GLCCI1: variants seen among roughly 807,000 people sequenced by gnomAD.
GLCCI1 encodes the protein glucocorticoid induced 1.
Under a neutral mutation model 52.2 loss-of-function variants are expected in GLCCI1, and 24 were observed. The ratio of observed to expected loss-of-function variants is 0.46; its 90% CI spans 0.33 to 0.65. GLCCI1 has a LOEUF of 0.65. Among genes scored for constraint, GLCCI1 ranks in the 30% least tolerant of loss-of-function variants. The pLI, the probability that GLCCI1 is intolerant of heterozygous loss-of-function variation, is 0.02. For synonymous variants in GLCCI1, 310 were observed against 276.5 expected (o/e 1.12, Z -1.20); for missense variants, 704 against 701.5 (o/e 1.00, Z -0.04).
At chr7:8,047,788 A>G (rs1782165700) in intron 3 of GLCCI1, among the ~76,000 whole-genome samples, 2 of 152,254 alleles carry the variant, frequency 1.3e-5, no homozygotes, top group Admixed American at 1.3e-4. Flanking sequence ...ATTCAGTGAC[A>G]GAAGTTCTTC....
chr7:8,086,690 C>T lies in GLCCI1; in HGVS notation c.*152C>T, dbSNP rs964123585. The T allele has an allele frequency of 1.7e-5, 11 of 664,538 alleles. No homozygotes were observed. Among genetic ancestry groups the T allele is most frequent in the Admixed American group, 6.4e-5 (2 of 31,176 alleles). The allele number at this position is 664,538 out of a possible 1,614,324, so 41.2% of individuals were successfully genotyped here. A position where few individuals can be genotyped will look rare whatever the true frequency, so the allele number is the denominator to read the frequency against. On this transcript the variant is annotated 3_prime_UTR_variant, in exon 8 of 8. Transcript: ENST00000223145. This position sits in a 1 kb window ranked among gnomAD's most constrained non-coding sequence, Gnocchi z 4.4. ...TCTTAAACACTGATCTTGGCAGGGA[C>T]GGAACTCCTATTCAGCAGTTTTTGT...
At chr7:7,984,317 C>T (rs1218785914) in intron 1 of GLCCI1, among the ~76,000 whole-genome samples, 2 of 152,098 alleles carry the variant, frequency 1.3e-5, no homozygotes, top group African/African-American at 4.8e-5. Flanking sequence ...ACCTTGGGCT[C>T]CCAAACTGCT....
chr7:8,040,721 A>G (rs192863060), intron 3 of GLCCI1, among the ~76,000 whole-genome samples: 47 of 152,308 alleles, frequency 3.1e-4, no homozygotes, highest in Non-Finnish European at 5.9e-5. Flanking sequence ...ATACAACCCA[A>G]CAATTTCATT....
chr7:8,062,526 T>C (rs1394867409), intron 5 of GLCCI1, among the ~76,000 whole-genome samples: 1 of 152,216 alleles, frequency 6.6e-6, no homozygotes, highest in Non-Finnish European at 1.5e-5. Flanking sequence ...GTAAGTTGTA[T>C]GTCACTGGAA....
intron 2 of GLCCI1, among the ~76,000 whole-genome samples, chr7:8,004,477 G>A (rs1781108146): frequency 6.6e-6 from 1 of 152,058 alleles, no homozygotes; most frequent in Non-Finnish European, 1.5e-5. Context: ...TTAAAACCAA[G>A]ACTAAAAGCC....
chr7:7,975,856 C>G (rs1240286079), intron 1 of GLCCI1, among the ~76,000 whole-genome samples: 2 of 152,150 alleles, frequency 1.3e-5, no homozygotes, highest in African/African-American at 4.8e-5. Flanking sequence ...ATGATTGTAT[C>G]TGGGCTTTCT....
intron 2 of GLCCI1, among the ~76,000 whole-genome samples, chr7:8,012,480 T>A (rs1448109007): frequency 1.6e-5 from 2 of 125,002 alleles, no homozygotes; most frequent in African/African-American, 6.4e-5. Context: ...AGTCTTGCTC[T>A]GTCACCCAGG....
At chr7:8,044,916 C>T (rs1041062470) in intron 3 of GLCCI1, among the ~76,000 whole-genome samples, 3 of 152,102 alleles carry the variant, frequency 2.0e-5, no homozygotes, top group Non-Finnish European at 4.4e-5. Context: ...GATGTTGATG[C>T]TTACAGTAAG....
At chr7:8,052,664 G>C (rs1338401148) in intron 3 of GLCCI1, among the ~76,000 whole-genome samples, 1 of 152,210 alleles carries the variant, frequency 6.6e-6, no homozygotes, top group Non-Finnish European at 1.5e-5. Context: ...TTAGAAATAA[G>C]AATTACTTCA....
intron 1 of GLCCI1, among the ~76,000 whole-genome samples, chr7:7,998,613 C>G (rs556886366): frequency 6.6e-6 from 1 of 152,148 alleles, no homozygotes; most frequent in Non-Finnish European, 1.5e-5. Flanking sequence ...CTATAGTGTA[C>G]TTTGTCTTTC....
chr7:7,990,940 C>T (rs1488607748), intron 1 of GLCCI1, among the ~76,000 whole-genome samples: 1 of 152,028 alleles, frequency 6.6e-6, no homozygotes, highest in East Asian at 1.9e-4. Context: ...TTTGGGGACA[C>T]ATTGTGGGGG....
At chr7:8,050,043 G>C (rs1336348487) in intron 3 of GLCCI1, among the ~76,000 whole-genome samples, 1 of 152,134 alleles carries the variant, frequency 6.6e-6, no homozygotes, top group South Asian at 2.1e-4. Flanking sequence ...TTCTTCCAAA[G>C]CTAGCTGTAT....
chr7:7,973,661 T>A (rs117300282), intron 1 of GLCCI1, among the ~76,000 whole-genome samples: 5,609 of 152,202 alleles, frequency 0.037, 141 homozygotes, highest in Non-Finnish European at 0.057. Flanking sequence ...CCTAATACTC[T>A]ACCAGATTGC....
intron 1 of GLCCI1, among the ~76,000 whole-genome samples, chr7:7,988,906 A>G (rs558191965): frequency 1.1e-4 from 17 of 152,204 alleles, no homozygotes; most frequent in Non-Finnish European, 2.5e-4. Context: ...CAGTTAGATA[A>G]GGCTAAATGA....
rs1181745276 is a variant in GLCCI1 at position 8,087,452 on chromosome 7, G to C, written c.*914G>C. The C allele has an allele frequency of 6.6e-6, 1 of 152,524 alleles. No homozygotes were observed. Among genetic ancestry groups the C allele is most frequent in the Non-Finnish European group, 1.5e-5 (1 of 67,966 alleles). 9.4% of individuals were successfully genotyped at this position (152,524 alleles called of 1,614,324 possible). ...ACTGTACATAAACATTCCACATTGT[G>C]TGTGATGAAATTTAAAGACAAGAAT... is the stretch of plus-strand genomic sequence containing the variant. On this transcript the variant is annotated 3_prime_UTR_variant, in exon 8 of 8. Coordinates refer to ENST00000223145, the MANE Select transcript of GLCCI1 (RefSeq NM_138426.4).
In GLCCI1 at chr7:8,084,993, G is replaced by T. The variant is rs1280858437; in HGVS notation, c.1274G>T (p.Arg425Leu). The T allele has an allele frequency of 1.8e-5, 29 of 1,614,008 alleles. No homozygotes were observed. Among genetic ancestry groups the T allele is most frequent in the Non-Finnish European group, 2.2e-5 (26 of 1,180,004 alleles). ...FKREPPEGCE[R>L]VKVFEEMASR... ...CGGGAGCCCCCAGAGGGATGTGAGC[G>T]AGTGAAGGTCTTTGAGGAAATGGCG... Residue 425 changes from arginine (R) to leucine (L), a missense_variant, in exon 7 of 8, where the codon CGA (arginine) becomes CTA (leucine). Coordinates refer to ENST00000223145, the MANE Select transcript of GLCCI1 (RefSeq NM_138426.4).
In GLCCI1 at chr7:7,969,056, TGGC is replaced by T; in HGVS notation, c.-285_-283del. ...CCTGTCAGCACGATGCCTGGAGCGG[TGGC>T]GGCGGCGGCTCCGGGCTCCTTGCGG... On this transcript the variant is annotated 5_prime_UTR_variant, in exon 1 of 8. Coordinates refer to ENST00000223145, the MANE Select transcript of GLCCI1 (RefSeq NM_138426.4). The surrounding 1 kb of genome is among the most constrained non-coding windows in gnomAD (Gnocchi z 4.9). 5.8e-6 allele frequency: 1 copy of T among 172,546 alleles called. No homozygotes were observed. The highest frequency in any genetic ancestry group is 1.2e-5 in the Non-Finnish European group (1 of 81,658). 10.7% of individuals were successfully genotyped at this position (172,546 alleles called of 1,614,324 possible). A position where few individuals can be genotyped will look rare whatever the true frequency, so the allele number is the denominator to read the frequency against.
Position 8,071,021 on chromosome 7 carries a change from G to C in GLCCI1, c.1067G>C (p.Arg356Pro). The C allele has an allele frequency of 6.2e-7, 1 of 1,614,088 alleles. No individual in the cohort carries two copies. Among genetic ancestry groups the C allele is most frequent in the Non-Finnish European group, 8.5e-7 (1 of 1,180,004 alleles). Reference sequence around the variant, plus strand: ...ACTCAGACTCCTTCTGTCCAGGAGCGCAGCAGTAGCTGCAGCAGTCATTCA... The same window carrying C: ...ACTCAGACTCCTTCTGTCCAGGAGCCCAGCAGTAGCTGCAGCAGTCATTCA... ...IDTQTPSVQE[R>P]SSSCSSHSPC... Residue 356 changes from arginine to proline, a missense_variant, in exon 6 of 8, where the codon CGC (arginine) becomes CCC (proline). Arg to Pro is a moderately radical substitution (Grantham distance 103, BLOSUM62 -2). Around this residue, in one of 3 missense-constraint regions of GLCCI1, gnomAD observed 547 missense variants for 524.8 expected, o/e 1.04. Coordinates refer to ENST00000223145, the MANE Select transcript of GLCCI1 (RefSeq NM_138426.4).
Position 8,031,146 on chromosome 7 carries a change from G to A in GLCCI1, c.696+8577G>A, listed in dbSNP as rs148547928. On this transcript the variant is annotated intron_variant, in intron 3 of 7. Coordinates refer to ENST00000223145, the MANE Select transcript of GLCCI1 (RefSeq NM_138426.4). ...AGATTTGGAAGCAGCCTAAGTGTCC[G>A]TCAACAGATGAATGGATAAAGAAAA... Among the ~76,000 whole-genome samples the A allele has an allele frequency of 5.7e-3, 871 of 152,152 alleles. 4 individuals are homozygous for A. The highest frequency in any genetic ancestry group is 8.3e-3 in the Non-Finnish European group (565 of 67,936).
Sources: allele counts gnomAD v4.1 joint callset (sites outside exome capture counted in the v4.1 genomes callset), GRCh38; gene constraint gnomAD v4.1.1; regional missense constraint gnomAD v4.1.1; non-coding constraint Gnocchi (gnomAD v3.1); transcripts MANE v1.5; gene names NCBI Gene and HGNC (gene_info 2026-07-23, HGNC 2026-07-21).